TMEM132D: variants seen among roughly 807,000 people sequenced by gnomAD.
The protein encoded by TMEM132D is mature OL transmembrane protein.
TMEM132D carries 21 observed loss-of-function variants against 62.3 expected under a neutral mutation model. That is an observed-to-expected ratio of 0.34 (90% CI 0.24 to 0.49). The LOEUF (loss-of-function observed/expected upper bound fraction) is 0.49, where lower values mean the gene tolerates loss of function less well. TMEM132D is among the 20% of genes least tolerant of loss of function. TMEM132D has a pLI of 0.99. For synonymous variants in TMEM132D, 621 were observed against 575.6 expected (o/e 1.08, Z -1.13); for missense variants, 1,346 against 1,402.8 (o/e 0.96, Z 0.65).
chr12:129,843,200 T>C (rs1873253082), intron 1 of TMEM132D, among the ~76,000 whole-genome samples: 1 of 152,174 alleles, frequency 6.6e-6, no homozygotes, highest in Non-Finnish European at 1.5e-5. Flanking sequence ...GAATCTCCAG[T>C]GTGTCTGATC....
At chr12:129,818,700 A>G (rs560726697) in intron 1 of TMEM132D, among the ~76,000 whole-genome samples, 1 of 151,738 alleles carries the variant, frequency 6.6e-6, no homozygotes, top group Admixed American at 6.6e-5. Flanking sequence ...CAGTGGGTGT[A>G]TGCACCTGCA....
intron 1 of TMEM132D, among the ~76,000 whole-genome samples, chr12:129,749,521 A>T (rs1304466618): frequency 1.3e-5 from 2 of 149,124 alleles, no homozygotes; most frequent in Non-Finnish European, 3.0e-5. Context: ...CAGTGGCACG[A>T]TCTCAGCTCA....
chr12:129,368,804 A>T (rs765884604), intron 3 of TMEM132D, among the ~76,000 whole-genome samples: 3 of 151,898 alleles, frequency 2.0e-5, no homozygotes, highest in Non-Finnish European at 4.4e-5. Context: ...ACATGAGGTC[A>T]TGTGTATATT....
At chr12:129,237,495 A>G (rs890825574) in intron 4 of TMEM132D, among the ~76,000 whole-genome samples, 6 of 152,192 alleles carry the variant, frequency 3.9e-5, no homozygotes, top group African/African-American at 9.7e-5. Context: ...TCTCTAAATC[A>G]TTGGATATTT....
At chr12:129,334,604 CGTTTT>C (rs1364240457) in intron 4 of TMEM132D, among the ~76,000 whole-genome samples, 1 of 152,064 alleles carries the variant, frequency 6.6e-6, no homozygotes, top group African/African-American at 2.4e-5. Context: ...CAGCCCACCA[CGTTTT>C]GTTTTGTTTT....
intron 1 of TMEM132D, among the ~76,000 whole-genome samples, chr12:129,894,548 A>G (rs1030026594): frequency 1.3e-5 from 2 of 152,210 alleles, no homozygotes; most frequent in Non-Finnish European, 2.9e-5. Flanking sequence ...AAGTCTCTTA[A>G]GATAATTCGA....
At chr12:129,166,737 A>G (rs946163030) in intron 5 of TMEM132D, among the ~76,000 whole-genome samples, 1 of 149,244 alleles carries the variant, frequency 6.7e-6, no homozygotes, top group African/African-American at 2.5e-5. Context: ...ACATATATAT[A>G]TATACACATA....
At chr12:129,458,890 G>A (rs1873567175) in intron 3 of TMEM132D, among the ~76,000 whole-genome samples, 1 of 152,192 alleles carries the variant, frequency 6.6e-6, no homozygotes, top group Non-Finnish European at 1.5e-5. Context: ...AACCTTGGAT[G>A]TCAGAGCTGG....
intron 3 of TMEM132D, among the ~76,000 whole-genome samples, chr12:129,387,496 T>G (rs1299380146): frequency 2.6e-5 from 4 of 151,032 alleles, no homozygotes; most frequent in Admixed American, 2.6e-4. Context: ...AACACTAACG[T>G]TAATGCCAAC....
intron 2 of TMEM132D, among the ~76,000 whole-genome samples, chr12:129,574,274 C>A (rs1877596825): frequency 2.0e-5 from 3 of 151,936 alleles, no homozygotes; most frequent in South Asian, 2.1e-4. Flanking sequence ...ATTATAGAAT[C>A]TAGGTGATGG....
intron 4 of TMEM132D, among the ~76,000 whole-genome samples, chr12:129,332,704 C>T (rs1387922952): frequency 1.3e-5 from 2 of 152,138 alleles, no homozygotes; most frequent in Non-Finnish European, 2.9e-5. Flanking sequence ...TGACTACATA[C>T]AAATTACACA....
At chr12:129,708,839 T>C (rs1053961632) in intron 1 of TMEM132D, among the ~76,000 whole-genome samples, 11 of 152,166 alleles carry the variant, frequency 7.2e-5, no homozygotes, top group African/African-American at 2.7e-4. Flanking sequence ...GTTGGAGAGC[T>C]GGTGCTTCAG....
intron 4 of TMEM132D, among the ~76,000 whole-genome samples, chr12:129,294,017 T>C (rs1286127395): frequency 3.9e-5 from 6 of 152,182 alleles, no homozygotes. Context: ...GAGCAGCATT[T>C]AGAAACTTGA....
chr12:129,762,003 G>C (rs537331997), intron 1 of TMEM132D, among the ~76,000 whole-genome samples: 1 of 152,134 alleles, frequency 6.6e-6, no homozygotes, highest in Non-Finnish European at 1.5e-5. Context: ...AATCAGCACT[G>C]CAATTTTTCT....
chr12:129,303,192 G>A (rs111512651), intron 4 of TMEM132D, among the ~76,000 whole-genome samples: 2 of 135,952 alleles, frequency 1.5e-5, no homozygotes, highest in East Asian at 2.2e-4. Flanking sequence ...ATCATCACTC[G>A]CCGGGACTCT....
chr12:129,115,389 T>C (rs1416210267), intron 5 of TMEM132D, among the ~76,000 whole-genome samples: 1 of 152,124 alleles, frequency 6.6e-6, no homozygotes, highest in African/African-American at 2.4e-5. Flanking sequence ...CCCCAGGATG[T>C]GATGAAATCT....
At chr12:129,802,884 C>T in intron 1 of TMEM132D, among the ~76,000 whole-genome samples, 1 of 151,444 alleles carries the variant, frequency 6.6e-6, no homozygotes, top group African/African-American at 2.4e-5. Flanking sequence ...GCAAGGGTTG[C>T]AATCCTAGTC....
Position 129,419,725 on chromosome 12 carries a change from A to T in TMEM132D, c.1116-81908T>A, listed in dbSNP as rs553719589. Among the ~76,000 whole-genome samples the T allele has an allele frequency of 4.6e-5, 7 of 152,282 alleles. No individual in the cohort carries two copies. In the South Asian group the frequency reaches 1.5e-3, roughly 32 times the overall value. ...GTCTTTTGAATAAGTCTATATTGTG[A>T]TGTCTTTACTGCATCTATAATTGAA... On this transcript the variant is annotated intron_variant, in intron 3 of 8. Coordinates refer to ENST00000422113, the MANE Select transcript of TMEM132D (RefSeq NM_133448.3).
intron 2 of TMEM132D, among the ~76,000 whole-genome samples, chr12:129,695,560 C>T (rs1434868699): frequency 6.6e-6 from 1 of 152,202 alleles, no homozygotes; most frequent in South Asian, 2.1e-4. Context: ...TTGAATACAC[C>T]AACATCTGTC....
Sources: allele counts gnomAD v4.1 joint callset (sites outside exome capture counted in the v4.1 genomes callset), GRCh38; gene constraint gnomAD v4.1.1; transcripts MANE v1.5; gene names NCBI Gene and HGNC (gene_info 2026-07-23, HGNC 2026-07-21).